SAR1B: variants seen among roughly 807,000 people sequenced by gnomAD.
The protein encoded by SAR1B is small COPII coat GTPase SAR1B.
A neutral mutation model predicts 26.8 loss-of-function variants in SAR1B; 23 were observed. That is an observed-to-expected ratio of 0.86 (90% confidence interval 0.62 to 1.22). The LOEUF is 1.22. Ranked by LOEUF, SAR1B falls within the 50% of genes most tolerant of loss-of-function variation. SAR1B has a pLI of 0.00. For synonymous variants in SAR1B, 65 were observed against 80.8 expected, an observed-to-expected ratio of 0.80 and a Z score of 1.05; for missense variants, 196 against 232.8, an observed-to-expected ratio of 0.84 and a Z score of 1.03.
In SAR1B at chr5:134,604,362, T is replaced by A. The variant is rs1286763029; in HGVS notation, c.*2588A>T. The A allele has an allele frequency of 6.6e-6, 1 of 152,242 alleles. No homozygotes were observed. Among genetic ancestry groups the A allele is most frequent in the Non-Finnish European group, 1.5e-5 (1 of 68,054 alleles). 9.4% of individuals were successfully genotyped at this position (152,242 alleles called of 1,614,324 possible). ...GTACTAGTATTTACCTGGGAAATAC[T>A]CCATGGATGCACACATTCACACAGG... On this transcript the variant is annotated 3_prime_UTR_variant, in exon 7 of 7. Transcript: ENST00000402673.
rs548407020 is a variant in SAR1B at position 134,631,064 on chromosome 5, A to C, written c.-19+1664T>G. Among the ~76,000 whole-genome samples the C allele has an allele frequency of 4.8e-3, 728 of 151,188 alleles. 5 individuals carry two copies. The highest frequency in any genetic ancestry group is 7.4e-3 in the Non-Finnish European group (503 of 67,742). On this transcript the variant is annotated intron_variant, in intron 1 of 6. Coordinates refer to ENST00000402673, the MANE Select transcript of SAR1B (RefSeq NM_016103.4). ...GCCTGCTAGCCAGGGCCCTGCACCC[A>C]GCAAATTTTTTTTTTTTTAATGTAG...
intron 4 of SAR1B, among the ~76,000 whole-genome samples, chr5:134,611,557 C>CA (rs200733028): frequency 3.3e-5 from 5 of 151,590 alleles, no homozygotes; most frequent in African/African-American, 4.8e-5. Flanking sequence ...CCCATCTCTA[C>CA]AAAAAAAATT....
Position 134,613,867 on chromosome 5 carries a change from G to C in SAR1B, c.179-1111C>G, listed in dbSNP as rs1375627138. On this transcript the variant is annotated intron_variant, in intron 3 of 6. Transcript: ENST00000402673. ...TAGACTGCCTGATGTTGTCTCACCA[G>C]TCATTGAGGCTCTGTTTATTTTGCT... is the stretch of plus-strand genomic sequence containing the variant. The C allele has an allele frequency of 2.0e-5, 3 of 152,294 alleles. No homozygotes were observed. The East Asian group carries it at 5.8e-4, about 29-fold the overall frequency. The allele number at this position is 152,294 out of a possible 1,614,324, so 9.4% of individuals were successfully genotyped here. A position where few individuals can be genotyped will look rare whatever the true frequency, so the allele number is the denominator to read the frequency against.
chr5:134,604,293 C>A lies in SAR1B; in HGVS notation c.*2657G>T, dbSNP rs1034177456. 13 of 152,232 alleles carry A rather than the reference C, an allele frequency of 8.5e-5. No homozygotes were observed. Among genetic ancestry groups the A allele is most frequent in the Admixed American group, 8.5e-4 (13 of 15,284 alleles). 9.4% of individuals were successfully genotyped at this position (152,232 alleles called of 1,614,324 possible). ...TGTATACCACAGTGTTAACTACGCC[C>A]TAGCATCTTGCAGTGTGGGACACAC... is the stretch of plus-strand genomic sequence containing the variant. On this transcript the variant is annotated 3_prime_UTR_variant, in exon 7 of 7. Transcript: ENST00000402673.
At chr5:134,628,697 C>T (rs1765542229) in intron 1 of SAR1B, among the ~76,000 whole-genome samples, 1 of 151,964 alleles carries the variant, frequency 6.6e-6, no homozygotes, top group Non-Finnish European at 1.5e-5. Flanking sequence ...CTCTGTCGCC[C>T]AGGCTGGAGT....
intron 3 of SAR1B, among the ~76,000 whole-genome samples, chr5:134,615,880 TA>T (rs1229733235): frequency 1.3e-5 from 2 of 151,956 alleles, no homozygotes; most frequent in African/African-American, 4.8e-5. Context: ...CTCATGCCTC[TA>T]ATCCCAGCAC....
At position 134,612,681 on chromosome 5, in the gene SAR1B, A is replaced by AAAAAAAAAAAAAAAAAAAAAAAT; in HGVS notation, c.244+9_244+10insATTTTTTTTTTTTTTTTTTTTTT. On this transcript the variant is annotated intron_variant, in intron 4 of 6. Coordinates refer to ENST00000402673, the MANE Select transcript of SAR1B (RefSeq NM_016103.4). ...AAAAAAAAAAAAAAAAAAAAAAAAA[A>AAAAAAAAAAAAAAAAAAAAAAAT]GAATCTTACCTTGAACATGTCCACC... 8.9e-7 allele frequency: 1 copy of AAAAAAAAAAAAAAAAAAAAAAAT among 1,124,730 alleles called. No homozygotes were observed. The allele number at this position is 1,124,730 out of a possible 1,614,324, so 69.7% of individuals were successfully genotyped here.
chr5:134,624,828 G>A (rs199885907), intron 1 of SAR1B, among the ~76,000 whole-genome samples: 11 of 151,888 alleles, frequency 7.2e-5, no homozygotes, highest in Non-Finnish European at 1.0e-4. Flanking sequence ...GGGCTTCACC[G>A]TATTGGCCAG....
At chr5:134,618,110 G>A (rs1765344436) in intron 3 of SAR1B, 1 of 152,134 alleles carries the variant, frequency 6.6e-6, no homozygotes, top group Non-Finnish European at 1.5e-5. Flanking sequence ...GAGGTCAGGA[G>A]ATCGAGACCA....
intron 3 of SAR1B, among the ~76,000 whole-genome samples, chr5:134,615,870 C>CCAG (rs1398766767): frequency 6.6e-6 from 1 of 151,800 alleles, no homozygotes; most frequent in African/African-American, 2.4e-5. Flanking sequence ...GGTGCAGTGG[C>CCAG]TCATGCCTCT....
At chr5:134,620,199 G>A (rs774585143) in intron 3 of SAR1B, among the ~76,000 whole-genome samples, 13 of 151,866 alleles carry the variant, frequency 8.6e-5, no homozygotes, top group Non-Finnish European at 1.0e-4. Context: ...CCAGCTACTC[G>A]GGAGGCTGAG....
At chr5:134,627,939 A>C (rs1765526544) in intron 1 of SAR1B, among the ~76,000 whole-genome samples, 1 of 152,110 alleles carries the variant, frequency 6.6e-6, no homozygotes, top group Admixed American at 6.6e-5. Context: ...CGGGAGTTCG[A>C]GACCAGCCTG....
intron 1 of SAR1B, among the ~76,000 whole-genome samples, chr5:134,626,913 T>C (rs1384144028): frequency 1.3e-5 from 2 of 152,180 alleles, no homozygotes; most frequent in Non-Finnish European, 2.9e-5. Context: ...ACACTTAATG[T>C]ACAATTTTAA....
rs1311628091 is a variant in SAR1B at position 134,606,887 on chromosome 5, G to A, written c.*63C>T. On this transcript the variant is annotated 3_prime_UTR_variant, in exon 7 of 7. Transcript: ENST00000402673. ...AGTCTATTGAATTCAAGTTATGCAT[G>A]TTGAGCAATCAAATCTCTGAGTAAG... 5 of 1,021,296 alleles carry A rather than the reference G, an allele frequency of 4.9e-6. No individual in the cohort carries two copies. The East Asian group carries it at 9.5e-5, about 19-fold the overall frequency. 63.3% of individuals were successfully genotyped at this position (1,021,296 alleles called of 1,614,324 possible).
intron 3 of SAR1B, chr5:134,614,766 T>A (rs892657236): frequency 5.3e-5 from 8 of 152,248 alleles, no homozygotes; most frequent in Non-Finnish European, 1.2e-4. Flanking sequence ...AGCAAGACTA[T>A]TGGACTATGT....
chr5:134,629,301 G>A (rs1765557220), intron 1 of SAR1B, among the ~76,000 whole-genome samples: 1 of 152,010 alleles, frequency 6.6e-6, no homozygotes, highest in Non-Finnish European at 1.5e-5. Context: ...GCTCATGCCT[G>A]TAATCCCAGC....
chr5:134,601,529 T>C lies in SAR1B; in HGVS notation c.*5421A>G, dbSNP rs1390389604. Reference sequence around the variant, plus strand: ...ACACTTTTATCACTTTTAAAGTAACTTGACTATGTTCACCCTGAGTGCTCT... The same window carrying C: ...ACACTTTTATCACTTTTAAAGTAACCTGACTATGTTCACCCTGAGTGCTCT... On this transcript the variant is annotated 3_prime_UTR_variant, in exon 7 of 7. Transcript: ENST00000402673. 4 of 152,204 alleles carry C rather than the reference T, an allele frequency of 2.6e-5. No homozygotes were observed. Among genetic ancestry groups the C allele is most frequent in the Admixed American group, 2.0e-4 (3 of 15,278 alleles). The allele number at this position is 152,204 out of a possible 1,614,324, so 9.4% of individuals were successfully genotyped here. A position where few individuals can be genotyped will look rare whatever the true frequency, so the allele number is the denominator to read the frequency against.
chr5:134,607,501 G>A (rs1765147142), intron 6 of SAR1B, among the ~76,000 whole-genome samples: 1 of 152,156 alleles, frequency 6.6e-6, no homozygotes, highest in Non-Finnish European at 1.5e-5. Context: ...GACCGGGCGT[G>A]GTGGCTCATG....
intron 2 of SAR1B, among the ~76,000 whole-genome samples, chr5:134,623,506 A>AAG (rs1445867063): frequency 1.3e-5 from 2 of 151,180 alleles, no homozygotes; most frequent in African/African-American, 4.8e-5. Flanking sequence ...TATAAAATTA[A>AAG]AAAAAAAAAA....
Sources: allele counts gnomAD v4.1 joint callset (sites outside exome capture counted in the v4.1 genomes callset), GRCh38; gene constraint gnomAD v4.1.1; transcripts MANE v1.5; gene names NCBI Gene and HGNC (gene_info 2026-07-23, HGNC 2026-07-21).